Variants in TPRKB observed in about 807,000 individuals in gnomAD.
The protein encoded by TPRKB is EKC/KEOPS complex subunit TPRKB.
TPRKB carries 11 observed loss-of-function variants against 17.8 expected under a neutral mutation model. The observed-to-expected ratio is 0.62, with a 90% CI of 0.39 to 1.02. The LOEUF (loss-of-function observed/expected upper bound fraction) is 1.02. Among genes scored for constraint, TPRKB ranks in the 50% least tolerant of loss-of-function variants. The probability of loss-of-function intolerance (pLI) is 0.00; values close to 1 mark genes in which losing one functional copy is unlikely to be tolerated. For synonymous variants in TPRKB, 71 were observed against 69.5 expected (o/e 1.02, Z -0.11); for missense variants, 228 against 198.0 (o/e 1.15, Z -0.91).
At chr2:73,734,723 C>T (rs1207040289) in intron 1 of TPRKB, 132 bp from the exon 2 acceptor site, 3 of 807,522 alleles carry the variant, frequency 3.7e-6, no homozygotes, top group Non-Finnish European at 5.6e-6. Context: ...ATCGCCAAAG[C>T]CCATTTGGCA....
At chr2:73,736,430 C>T (rs1459132471) in intron 1 of TPRKB, among the ~76,000 whole-genome samples, 1 of 152,052 alleles carries the variant, frequency 6.6e-6, no homozygotes, top group Admixed American at 6.5e-5. Flanking sequence ...CATGAGTACA[C>T]ATAATAAGAA....
chr2:73,735,926 G>A (rs1435994243), intron 1 of TPRKB, among the ~76,000 whole-genome samples: 2 of 152,122 alleles, frequency 1.3e-5, no homozygotes, highest in African/African-American at 4.8e-5. Context: ...AGCTAATGAT[G>A]GGATTAGTTG....
At position 73,730,618 on chromosome 2, in the gene TPRKB, CCTT is replaced by C; in HGVS notation, c.380_382del (p.Glu127del). ...AAGATTTTTCAGAGAAACCTGATGACCTTCTACTTGAGATATTAGGTATTCTTG... is the reference window on the plus strand; with the variant it reads ...AAGATTTTTCAGAGAAACCTGATGACCTACTTGAGATATTAGGTATTCTTG... On this transcript the variant is annotated inframe_deletion, in exon 4 of 5. Coordinates refer to ENST00000272424, the MANE Select transcript of TPRKB (RefSeq NM_016058.5). 1 of 1,595,062 alleles carries C rather than the reference CCTT, an allele frequency of 6.3e-7. No individual in the cohort carries two copies. The highest frequency in any genetic ancestry group is 1.7e-4 in the Middle Eastern group (1 of 5,784).
chr2:73,733,042 G>C (rs1292908507), intron 2 of TPRKB, among the ~76,000 whole-genome samples: 1 of 152,124 alleles, frequency 6.6e-6, no homozygotes, highest in Non-Finnish European at 1.5e-5. Context: ...AAGTTCATTA[G>C]CATTTTATTT....
intron 2 of TPRKB, chr2:73,732,651 G>A (rs548632967): frequency 2.0e-4 from 35 of 178,384 alleles, no homozygotes; most frequent in Non-Finnish European, 3.1e-4. Flanking sequence ...AGAGGTTGCC[G>A]TGAGCCAAGA....
rs1455716911 is a variant in TPRKB at position 73,734,282 on chromosome 2, T to G, written c.141+147A>C. On this transcript the variant is annotated intron_variant, in intron 2 of 4. Coordinates refer to ENST00000272424, the MANE Select transcript of TPRKB (RefSeq NM_016058.5). Reference sequence around the variant, plus strand: ...CCCAGCTAATTTTTGTATTTTTAGTTGAGACAGGGTTTCACCATGTTGGCC... The same window carrying G: ...CCCAGCTAATTTTTGTATTTTTAGTGGAGACAGGGTTTCACCATGTTGGCC... The G allele has an allele frequency of 4.4e-6, 3 of 687,968 alleles. No homozygotes were observed. The East Asian group carries it at 9.6e-5, about 22-fold the overall frequency. 42.6% of individuals were successfully genotyped at this position (687,968 alleles called of 1,614,324 possible).
chr2:73,732,590 T>G (rs1013246422), intron 2 of TPRKB: 22 of 249,350 alleles, frequency 8.8e-5, no homozygotes, highest in African/African-American at 5.0e-4. Context: ...GCACCTGTAA[T>G]CCCAGCAACT....
chr2:73,730,288 T>G (rs2103835221), intron 4 of TPRKB: 1 of 426,004 alleles, frequency 2.3e-6, no homozygotes, highest in Non-Finnish European at 4.0e-6. Context: ...TAAATTTATT[T>G]TACATTTTAA....
At chr2:73,734,740 T>C (rs887086731) in intron 1 of TPRKB, 149 bp from the exon 2 acceptor site, 11 of 719,132 alleles carry the variant, frequency 1.5e-5, no homozygotes, top group Non-Finnish European at 2.4e-5. Context: ...GGCATCCTCA[T>C]GAGATGTTGT....
chr2:73,734,527 C>G lies in TPRKB; in HGVS notation c.43G>C (p.Val15Leu), dbSNP rs1203978359. ...ACATCTTTAAATAACAGAAGGGTTA[C>G]CCTGCATTCGGGAAATAGGTCCAGC... ...HQLDLFPECR[V>L]TLLLFKDVKN... The change falls in exon 2 of 5, where the codon GTA becomes CTA. Residue 15 changes from valine (V) to leucine (L), a missense_variant. By Grantham distance (32) the Val-to-Leu change is conservative. Transcript: ENST00000272424. 2 of 1,613,740 alleles carry G rather than the reference C, an allele frequency of 1.2e-6. No homozygotes were observed. Among genetic ancestry groups the G allele is most frequent in the African/African-American group, 1.3e-5 (1 of 74,892 alleles).
chr2:73,730,636 AG>A lies in TPRKB; in HGVS notation c.364del (p.Leu122Ter). On this transcript the variant is annotated frameshift_variant, in exon 4 of 5. Transcript: ENST00000272424. LOFTEE classifies it high-confidence loss of function. ...CTGATGACCTTCTACTTGAGATATT[AG>A]GTATTCTTGATTTATTTGTTTTTCT... ...EGEKQINQEY[L>X]ISQVEGHQVS... 1.3e-6 allele frequency: 2 copies of A among 1,593,544 alleles called. No individual in the cohort carries two copies. The highest frequency in any genetic ancestry group is 2.3e-5 in the South Asian group (2 of 86,704).
At chr2:73,730,971 C>T (rs1671581492) in intron 3 of TPRKB, 1 of 329,304 alleles carries the variant, frequency 3.0e-6, no homozygotes, top group Non-Finnish European at 5.4e-6. Context: ...AGCCCAGCCT[C>T]TTGGCGCTGC....
intron 2 of TPRKB, 52 bp from the exon 3 acceptor site, chr2:73,732,337 T>A (rs1161184410): frequency 6.4e-7 from 1 of 1,572,396 alleles, no homozygotes; most frequent in Non-Finnish European, 8.7e-7. Flanking sequence ...CTGCAGTGCC[T>A]GAAAACACAT....
In TPRKB at chr2:73,729,954, C is replaced by T. The variant is rs1671516546; in HGVS notation, c.517G>A (p.Asp173Asn). The T allele has an allele frequency of 1.3e-6, 2 of 1,558,568 alleles. No homozygotes were observed. Among genetic ancestry groups the T allele is most frequent in the Non-Finnish European group, 1.7e-6 (2 of 1,147,658 alleles). ...DAIICRMSTKDVL is the reference protein window; with the variant it reads ...DAIICRMSTKNVL ...ATATTTCTGACATTTCATAAAACAT[C>T]TTTTGTTGACATTCTACAAATGATA... The change falls in exon 5 of 5, where the codon GAT (aspartate) becomes AAT (asparagine). Residue 173 changes from aspartate (D) to asparagine (N), a missense_variant. Asp to Asn is a conservative substitution (Grantham distance 23). Transcript: ENST00000272424.
rs376173817 is a variant in TPRKB, at chr2:73,730,068, G to A, written c.442-39C>T. Reference sequence around the variant, plus strand: ...AGACAAATTATGACTTGCTGATATCGTCATTCACTACTAATTGTCATTATA... The same window carrying A: ...AGACAAATTATGACTTGCTGATATCATCATTCACTACTAATTGTCATTATA... On this transcript the variant is annotated intron_variant, in intron 4 of 4. Transcript: ENST00000272424. The A allele has an allele frequency of 4.7e-4, 706 of 1,509,334 alleles. 1 individual carries two copies. The highest frequency in any genetic ancestry group is 5.7e-4 in the Non-Finnish European group (638 of 1,120,348). The allele number at this position is 1,509,334 out of a possible 1,614,324, so 93.5% of individuals were successfully genotyped here.
intron 2 of TPRKB, 105 bp downstream of exon 2, chr2:73,734,324 C>G: frequency 8.4e-7 from 1 of 1,190,692 alleles, no homozygotes; most frequent in Non-Finnish European, 1.2e-6. Flanking sequence ...GTCTTCAACT[C>G]CTGACCTCAG....
intron 1 of TPRKB, among the ~76,000 whole-genome samples, chr2:73,736,965 C>T (rs920270406): frequency 1.3e-5 from 2 of 152,160 alleles, no homozygotes; most frequent in African/African-American, 4.8e-5. Flanking sequence ...TTCATCTCCG[C>T]CTGACGCACT....
At chr2:73,730,180 A>G (rs1238312317) in intron 4 of TPRKB, 151 bp from the exon 5 acceptor site, 2 of 960,832 alleles carry the variant, frequency 2.1e-6, no homozygotes, top group African/African-American at 3.4e-5. Flanking sequence ...TATTCAAAGT[A>G]GAGGGCAATT....
intron 1 of TPRKB, among the ~76,000 whole-genome samples, chr2:73,735,401 G>A (rs182754211): frequency 3.0e-4 from 45 of 151,918 alleles, no homozygotes; most frequent in African/African-American, 1.1e-3. Context: ...ATGAGTTAAT[G>A]GGTGCAGCAT....
Sources: gnomAD v4.1 joint callset for allele counts (sites outside exome capture counted in the v4.1 genomes callset) on GRCh38, gnomAD v4.1.1 for gene constraint, MANE v1.5 for transcripts, NCBI Gene and HGNC (gene_info 2026-07-23, HGNC 2026-07-21) for gene names.